Variants in DMD observed in about 807,000 individuals in gnomAD.
DMD encodes the protein dystrophin.
DMD carries 63 observed loss-of-function variants against 330.1 expected under a neutral mutation model. The ratio of observed to expected loss-of-function variants is 0.19; its 90% confidence interval spans 0.16 to 0.24. DMD has a LOEUF of 0.24. DMD is among the 10% of genes least tolerant of loss of function. The pLI, the probability that DMD is intolerant of heterozygous loss-of-function variation, is 1.00. For synonymous variants in DMD, 1,223 were observed against 959.8 expected, an observed-to-expected ratio of 1.27 and a Z score of -5.07; for missense variants, 3,344 against 2,684.1, an observed-to-expected ratio of 1.25 and a Z score of -5.43.
chrX:33,079,148 G>A (rs1042571686), intron 1 of DMD, among the ~76,000 whole-genome samples: 7 of 111,031 alleles, frequency 6.3e-5, no homozygotes, highest in Non-Finnish European at 1.3e-4. Context: ...CTCCTGCCTC[G>A]GTCTCCCGAG....
At chrX:32,707,844 C>T (rs760116535) in intron 7 of DMD, among the ~76,000 whole-genome samples, 1 of 111,604 alleles carries the variant, frequency 9.0e-6, no homozygotes, top group Non-Finnish European at 1.9e-5. Flanking sequence ...ACAATTCTCT[C>T]GACATGCCTG....
At chrX:32,291,925 C>G (rs761684223) in intron 42 of DMD, among the ~76,000 whole-genome samples, 1 of 111,754 alleles carries the variant, frequency 8.9e-6, no homozygotes, top group Admixed American at 9.5e-5. Context: ...GAATGGCAAG[C>G]GTACCTTGGA....
At chrX:32,338,326 A>G (rs5972539) in intron 41 of DMD, among the ~76,000 whole-genome samples, 1,984 of 110,698 alleles carry the variant, frequency 0.018, 51 homozygotes, top group African/African-American at 0.06. Context: ...TAAAATTTAC[A>G]TTTATTCCAT....
intron 43 of DMD, among the ~76,000 whole-genome samples, chrX:32,255,676 A>C (rs1177086148): frequency 1.8e-5 from 2 of 112,329 alleles, no homozygotes; most frequent in Non-Finnish European, 3.8e-5. Flanking sequence ...ATGAGAAAAC[A>C]AGGAAAGTGC....
chrX:32,241,273 C>T (rs1012920476), intron 43 of DMD, among the ~76,000 whole-genome samples: 3 of 112,117 alleles, frequency 2.7e-5, no homozygotes, highest in Admixed American at 1.9e-4. Flanking sequence ...TCTCCAGCCA[C>T]CCCTTTAAGG....
At chrX:31,843,524 A>G (rs1206473526) in intron 48 of DMD, among the ~76,000 whole-genome samples, 1 of 111,827 alleles carries the variant, frequency 8.9e-6, no homozygotes, top group Non-Finnish European at 1.9e-5. Context: ...TTTGAGAAGT[A>G]TCTATATATT....
chrX:32,067,344 T>A (rs2096266058), intron 44 of DMD, among the ~76,000 whole-genome samples: 1 of 111,323 alleles, frequency 9.0e-6, no homozygotes, highest in African/African-American at 3.3e-5. Context: ...CGAATATTTA[T>A]ATGACATCTT....
chrX:32,912,685 G>A (rs1255858872), intron 2 of DMD, among the ~76,000 whole-genome samples: 1 of 111,437 alleles, frequency 9.0e-6, no homozygotes, highest in African/African-American at 3.3e-5. Context: ...CCAACTATAC[G>A]AAGTTCAAAA....
In DMD at chrX:32,348,535, A is replaced by C. The variant is rs1431625295; in HGVS notation, c.5326-7T>G. The C allele has an allele frequency of 1.7e-6, 2 of 1,195,828 alleles. No individual in the cohort carries two copies. The highest frequency in any genetic ancestry group is 2.3e-6 in the Non-Finnish European group (2 of 884,842). On this transcript the variant is annotated splice_polypyrimidine_tract_variant and splice_region_variant and intron_variant, in intron 37 of 78. Transcript: ENST00000357033. ...CCTTCAAAGGAATGGAGGCCTAAAAAAAAAGATAGTGCTACTTTAAATCAA... is the reference window on the plus strand; with the variant it reads ...CCTTCAAAGGAATGGAGGCCTAAAACAAAAGATAGTGCTACTTTAAATCAA...
intron 63 of DMD, 33 bp from the exon 64 acceptor site, chrX:31,223,154 T>C (rs750902970): frequency 1.7e-6 from 2 of 1,167,857 alleles, no homozygotes; most frequent in South Asian, 3.6e-5. Flanking sequence ...GCATTTGTTA[T>C]TCCATCAGAA....
Position 31,516,785 on chromosome X carries a change from G to C in DMD, c.8218-9332C>G, listed in dbSNP as rs1179928581. Among the ~76,000 whole-genome samples the C allele has an allele frequency of 2.7e-5, 3 of 111,764 alleles. No homozygotes were observed. In the Admixed American group the frequency reaches 2.9e-4, roughly 11 times the overall value. ...AAGCACTGCAACAGCAGAGAGAAGG[G>C]ATATGCTCTCTCAGCAGGGAGAAGG... On this transcript the variant is annotated intron_variant, in intron 55 of 78. Transcript: ENST00000357033.
At chrX:32,053,485 T>A (rs1446452750) in intron 44 of DMD, among the ~76,000 whole-genome samples, 1 of 111,488 alleles carries the variant, frequency 9.0e-6, no homozygotes, top group Non-Finnish European at 1.9e-5. Flanking sequence ...CTTCACTTTG[T>A]TAGCTCTTGT....
At chrX:31,186,385 C>A (rs2041781405) in intron 67 of DMD, among the ~76,000 whole-genome samples, 1 of 111,861 alleles carries the variant, frequency 8.9e-6, no homozygotes, top group Non-Finnish European at 1.9e-5. Flanking sequence ...TTATCCTTAG[C>A]AAACTAATGC....
chrX:33,095,027 A>G (rs111531853), intron 1 of DMD, among the ~76,000 whole-genome samples: 2,176 of 112,009 alleles, frequency 0.019, 57 homozygotes, highest in African/African-American at 0.067. Context: ...CATTTTTAAT[A>G]CAAAGTAGTA....
chrX:32,300,747 G>C (rs1462525666), intron 42 of DMD, among the ~76,000 whole-genome samples: 2 of 110,943 alleles, frequency 1.8e-5, no homozygotes, highest in African/African-American at 6.5e-5. Context: ...AAATTTCTTA[G>C]AGTCAGGATA....
At chrX:33,044,952 A>G (rs145318029) in intron 1 of DMD, among the ~76,000 whole-genome samples, 1 of 111,725 alleles carries the variant, frequency 9.0e-6, no homozygotes, top group Non-Finnish European at 1.9e-5. Flanking sequence ...AAAATATTTC[A>G]TAAGTTGTAC....
rs190627569 is a variant in DMD, at chrX:31,510,041, A to G, written c.8218-2588T>C. 5.3e-5 allele frequency among the ~76,000 whole-genome samples: 6 copies of G among 112,466 alleles called. No individual in the cohort carries two copies. The East Asian group carries it at 1.4e-3, about 26-fold the overall frequency. ...TTGGCAAGAAGATAAGTCTTCTGTC[A>G]GTACTGCTTTTCTAGGTCATGATGG... is the stretch of plus-strand genomic sequence containing the variant. On this transcript the variant is annotated intron_variant, in intron 55 of 78. Transcript: ENST00000357033.
intron 2 of DMD, among the ~76,000 whole-genome samples, chrX:32,853,769 G>GAAAAAAAAAAAAA (rs1162458210): frequency 2.3e-4 from 13 of 56,054 alleles, no homozygotes; most frequent in East Asian, 5.9e-4. Context: ...CACAGTGACA[G>GAAAAAAAAAAAAA]AAAAAAAAAA....
intron 1 of DMD, among the ~76,000 whole-genome samples, chrX:33,257,152 C>T (rs555970086): frequency 1.8e-5 from 2 of 110,837 alleles, no homozygotes; most frequent in African/African-American, 6.5e-5. Flanking sequence ...AAAGAAGGTG[C>T]TATTTGCATT....
Sources: allele counts gnomAD v4.1 joint callset (sites outside exome capture counted in the v4.1 genomes callset), GRCh38; gene constraint gnomAD v4.1.1; transcripts MANE v1.5; gene names NCBI Gene and HGNC (gene_info 2026-07-23, HGNC 2026-07-21).